Variants in ABCD2 observed in about 807,000 individuals in gnomAD.
ABCD2 encodes the protein ATP binding cassette subfamily D member 2.
Under a neutral mutation model 70.9 loss-of-function variants are expected in ABCD2, and 36 were observed. That is an observed-to-expected ratio of 0.51 (90% CI 0.39 to 0.67). The LOEUF is 0.67. ABCD2 is among the 30% of genes least tolerant of loss of function. ABCD2 has a pLI of 0.00. For missense variants in ABCD2, 729 were observed against 890.2 expected, an observed-to-expected ratio of 0.82 and a Z score of 2.30; for synonymous variants, 304 against 306.9, an observed-to-expected ratio of 0.99 and a Z score of 0.10.
intron 9 of ABCD2, among the ~76,000 whole-genome samples, chr12:39,556,398 C>T (rs1228171214): frequency 6.6e-6 from 1 of 152,012 alleles, no homozygotes; most frequent in African/African-American, 2.4e-5. Context: ...GGTGGTTTTC[C>T]CCATGCTGTT....
chr12:39,561,637 A>G (rs1190715826), intron 9 of ABCD2, among the ~76,000 whole-genome samples: 2 of 152,210 alleles, frequency 1.3e-5, no homozygotes, highest in Non-Finnish European at 2.9e-5. Flanking sequence ...AAACAGGTCA[A>G]TTCAGCAAGA....
downstream of ABCD2, among the ~76,000 whole-genome samples, chr12:39,549,201 T>A (rs550573368): frequency 3.9e-5 from 6 of 152,014 alleles, no homozygotes; most frequent in South Asian, 1.2e-3. Context: ...ATAGCCCAAG[T>A]TAAAGATCAT....
At chr12:39,565,529 G>A (rs917072559) in intron 9 of ABCD2, among the ~76,000 whole-genome samples, 3 of 152,204 alleles carry the variant, frequency 2.0e-5, no homozygotes, top group Non-Finnish European at 2.9e-5. Flanking sequence ...GGGATTTTGG[G>A]CTGAGACAAT....
chr12:39,586,039 T>G, intron 7 of ABCD2, 113 bp downstream of exon 7: 1 of 945,356 alleles, frequency 1.1e-6, no homozygotes, highest in African/African-American at 1.7e-5. Flanking sequence ...TACACTTATG[T>G]GCTTATTTCC....
At chr12:39,603,817 G>A (rs1397135565) in intron 5 of ABCD2, 95 bp downstream of exon 5, 3 of 868,350 alleles carry the variant, frequency 3.5e-6, no homozygotes, top group Middle Eastern at 2.3e-4. Context: ...CTTTCCAAAT[G>A]CTCCTCCAAG....
At chr12:39,575,796 T>C (rs1041464016) in intron 8 of ABCD2, among the ~76,000 whole-genome samples, 1 of 152,240 alleles carries the variant, frequency 6.6e-6, no homozygotes, top group Non-Finnish European at 1.5e-5. Context: ...CTCTTCTTCA[T>C]TGATCTTTAT....
At chr12:39,585,174 T>C (rs1342839656) in intron 7 of ABCD2, among the ~76,000 whole-genome samples, 1 of 152,228 alleles carries the variant, frequency 6.6e-6, no homozygotes, top group Non-Finnish European at 1.5e-5. Flanking sequence ...TTTCCATTTG[T>C]GTCTTCTCTG....
rs1320670707 is a variant in ABCD2, at chr12:39,618,862, T to G, written c.754A>C (p.Ser252Arg). The change falls in exon 1 of 10, where the codon AGC becomes CGC. Residue 252 changes from serine (S) to arginine (R), a missense_variant. This residue lies in a region of ABCD2 where 195 missense variants were observed against 300.2 expected (regional missense o/e 0.65). Coordinates refer to ENST00000308666, the MANE Select transcript of ABCD2 (RefSeq NM_005164.4). ...LIQTATSRGA[S>R]PIGPTLLAGL... ...GCTAGTAGGGTGGGCCCAATTGGGC[T>G]TGCTCCTCTGGATGTAGCAGTTTGA... The G allele has an allele frequency of 6.2e-7, 1 of 1,614,100 alleles. No homozygotes were observed. The highest frequency in any genetic ancestry group is 1.3e-5 in the African/African-American group (1 of 74,936).
chr12:39,546,270 C>A (rs963000591), downstream of ABCD2, among the ~76,000 whole-genome samples: 4 of 145,014 alleles, frequency 2.8e-5, no homozygotes, highest in African/African-American at 1.1e-4. Flanking sequence ...CAGAAATTAA[C>A]CTTTATTTTT....
the ABCD2 span, among the ~76,000 whole-genome samples, chr12:39,540,097 C>T: frequency 6.6e-6 from 1 of 152,232 alleles, no homozygotes; most frequent in East Asian, 1.9e-4. Context: ...GCCCACCTAA[C>T]AGCCGGCCAT....
chr12:39,539,579 C>T, the ABCD2 span: 1 of 154,116 alleles, frequency 6.5e-6, no homozygotes, highest in Non-Finnish European at 1.5e-5. Flanking sequence ...GAGTTAAAAT[C>T]TCAATGGGAA....
intron 3 of ABCD2, among the ~76,000 whole-genome samples, chr12:39,605,868 G>A (rs2120738212): frequency 6.6e-6 from 1 of 152,254 alleles, no homozygotes; most frequent in East Asian, 1.9e-4. Context: ...AAATTTCTGT[G>A]TATGCAAAAC....
At chr12:39,594,189 T>C (rs1941783903) in intron 6 of ABCD2, among the ~76,000 whole-genome samples, 1 of 152,160 alleles carries the variant, frequency 6.6e-6, no homozygotes, top group Non-Finnish European at 1.5e-5. Context: ...CCCCTGTTGA[T>C]ACCAATAAGG....
the ABCD2 span, among the ~76,000 whole-genome samples, chr12:39,538,557 C>A: frequency 2.0e-5 from 3 of 152,128 alleles, no homozygotes; most frequent in African/African-American, 7.2e-5. Context: ...CGCCAAGAAC[C>A]TGGACACCTT....
intron 2 of ABCD2, among the ~76,000 whole-genome samples, chr12:39,608,045 G>T (rs1305629746): frequency 1.3e-5 from 2 of 152,094 alleles, no homozygotes; most frequent in Admixed American, 1.3e-4. Context: ...GCGCATGCTT[G>T]TAGTCCCAGC....
the ABCD2 span, among the ~76,000 whole-genome samples, chr12:39,540,177 C>A: frequency 6.6e-6 from 1 of 152,206 alleles, no homozygotes; most frequent in Non-Finnish European, 1.5e-5. Flanking sequence ...TACGCCAATT[C>A]TCTGATACTT....
At chr12:39,573,042 T>C (rs2120591568) in intron 9 of ABCD2, among the ~76,000 whole-genome samples, 1 of 152,278 alleles carries the variant, frequency 6.6e-6, no homozygotes, top group Non-Finnish European at 1.5e-5. Flanking sequence ...AGTTTCTTCA[T>C]CTGTAAAATA....
chr12:39,562,179 TACAGCA>T (rs1203334988), intron 9 of ABCD2, among the ~76,000 whole-genome samples: 1 of 152,074 alleles, frequency 6.6e-6, no homozygotes, highest in Non-Finnish European at 1.5e-5. Context: ...ATCTGTAGAA[TACAGCA>T]AAAGCAATTT....
chr12:39,547,012 AT>A (rs145106653), downstream of ABCD2, among the ~76,000 whole-genome samples: 12 of 151,650 alleles, frequency 7.9e-5, no homozygotes, highest in African/African-American at 1.9e-4. Flanking sequence ...TAATTAAAAA[AT>A]TTTTTTTTCA....
Sources: gnomAD v4.1 joint callset for allele counts (sites outside exome capture counted in the v4.1 genomes callset) on GRCh38, gnomAD v4.1.1 for gene constraint, gnomAD v4.1.1 regional missense constraint, MANE v1.5 for transcripts, NCBI Gene and HGNC (gene_info 2026-07-23, HGNC 2026-07-21) for gene names.